UHRF2: variants seen among roughly 807,000 people sequenced by gnomAD.
UHRF2 encodes E3 ubiquitin-protein ligase UHRF2.
UHRF2 carries 23 observed loss-of-function variants against 96.8 expected under a neutral mutation model. The ratio of observed to expected loss-of-function variants is 0.24; its 90% CI spans 0.17 to 0.34. The LOEUF (loss-of-function observed/expected upper bound fraction) is 0.34. UHRF2 is among the 10% of genes least tolerant of loss of function. UHRF2 has a pLI of 1.00. For missense variants in UHRF2, 685 were observed against 981.5 expected (o/e 0.70, Z 4.04); for synonymous variants, 385 against 332.6 (o/e 1.16, Z -1.72).
At chr9:6,445,981 C>CTTTTTTTT (rs57147850) in intron 3 of UHRF2, among the ~76,000 whole-genome samples, 8 of 78,906 alleles carry the variant, frequency 1.0e-4, no homozygotes, top group Non-Finnish European at 1.6e-4. Flanking sequence ...CCCCGCCACC[C>CTTTTTTTT]TTTTTTTTTT....
Position 6,506,291 on chromosome 9 carries a change from GCTAATC to G in UHRF2, c.*115_*120del. ...ACTGTATCTCTCACGTTCTGAAGCA[GCTAATC>G]CTCTTTCCCACATAGCCATCATCTT... is the stretch of plus-strand genomic sequence containing the variant. On this transcript the variant is annotated 3_prime_UTR_variant, in exon 16 of 16. Transcript: ENST00000276893. 7.2e-7 allele frequency: 1 copy of G among 1,387,064 alleles called. No homozygotes were observed. The highest frequency in any genetic ancestry group is 9.8e-7 in the Non-Finnish European group (1 of 1,022,796). The allele number at this position is 1,387,064 out of a possible 1,614,324, so 85.9% of individuals were successfully genotyped here.
intron 6 of UHRF2, among the ~76,000 whole-genome samples, chr9:6,480,540 A>C (rs137951180): frequency 6.6e-6 from 1 of 152,058 alleles, no homozygotes; most frequent in East Asian, 1.9e-4. Context: ...TTCACCTGAA[A>C]CTCCTTAACC....
intron 2 of UHRF2, among the ~76,000 whole-genome samples, chr9:6,430,375 T>G (rs1820499263): frequency 2.0e-5 from 3 of 152,140 alleles, no homozygotes; most frequent in African/African-American, 7.2e-5. Context: ...TGTGGTTGGC[T>G]TAAACTTTTT....
intron 1 of UHRF2, among the ~76,000 whole-genome samples, chr9:6,418,901 A>AG (rs1819764281): frequency 2.0e-5 from 3 of 152,192 alleles, no homozygotes; most frequent in Admixed American, 2.0e-4. Flanking sequence ...TGATAGCTCT[A>AG]GGGGGAGAAC....
chr9:6,425,656 G>A lies in UHRF2; in HGVS notation c.384+4514G>A, dbSNP rs145491796. 8.4e-3 allele frequency among the ~76,000 whole-genome samples: 1,284 copies of A among 152,188 alleles called. 11 individuals carry two copies. The highest frequency in any genetic ancestry group is 0.014 in the Non-Finnish European group (950 of 68,008). Reference sequence around the variant, plus strand: ...CACATGCCTGTAATCCCAGCTACTCGGGAGGCTGAGGCAGGAGTATCACTT... The same window carrying A: ...CACATGCCTGTAATCCCAGCTACTCAGGAGGCTGAGGCAGGAGTATCACTT... On this transcript the variant is annotated intron_variant, in intron 2 of 15. Transcript: ENST00000276893.
chr9:6,500,409 C>G (rs1816224848), intron 13 of UHRF2, 143 bp from the exon 14 acceptor site: 3 of 661,170 alleles, frequency 4.5e-6, no homozygotes, highest in African/African-American at 1.9e-5. Context: ...ATAACAGTAT[C>G]CTAAATTTTA....
intron 6 of UHRF2, 86 bp downstream of exon 6, chr9:6,477,894 G>T (rs1823680949): frequency 8.1e-7 from 1 of 1,239,370 alleles, no homozygotes; most frequent in Non-Finnish European, 1.1e-6. Flanking sequence ...GATTTCTAAA[G>T]ATACATAATA....
intron 9 of UHRF2, among the ~76,000 whole-genome samples, chr9:6,487,198 T>TTTATTTTTTA (rs1824350867): frequency 3.7e-5 from 5 of 134,594 alleles, no homozygotes; most frequent in African/African-American, 1.4e-4. Flanking sequence ...TTTTTTTTTT[T>TTTATTTTTTA]TTTTTTTTTG....
At chr9:6,430,984 A>G (rs1359759243) in intron 2 of UHRF2, among the ~76,000 whole-genome samples, 1 of 152,154 alleles carries the variant, frequency 6.6e-6, no homozygotes, top group Non-Finnish European at 1.5e-5. Flanking sequence ...TTTGTCTGCT[A>G]TTTTGCTACT....
intron 15 of UHRF2, 109 bp downstream of exon 15, chr9:6,504,800 G>T: frequency 1.3e-6 from 1 of 755,812 alleles, no homozygotes. Context: ...GGATAGTTGC[G>T]GAACCTTCTA....
intron 3 of UHRF2, among the ~76,000 whole-genome samples, chr9:6,443,944 T>C (rs1357724176): frequency 1.3e-5 from 2 of 152,258 alleles, no homozygotes; most frequent in Non-Finnish European, 2.9e-5. Context: ...TAATTGTGGC[T>C]ACTGCAAATA....
At chr9:6,435,237 G>T (rs1332821424) in intron 3 of UHRF2, among the ~76,000 whole-genome samples, 1 of 151,944 alleles carries the variant, frequency 6.6e-6, no homozygotes, top group Non-Finnish European at 1.5e-5. Flanking sequence ...CAGGTGATCT[G>T]CCCGCCTCAG....
At chr9:6,441,485 A>G (rs1025968549) in intron 3 of UHRF2, among the ~76,000 whole-genome samples, 3 of 152,094 alleles carry the variant, frequency 2.0e-5, no homozygotes, top group Admixed American at 6.5e-5. Context: ...GCTGAGCAGT[A>G]TGTGTTCTAA....
At chr9:6,422,532 AGCTTG>A in intron 2 of UHRF2, 1 of 442,668 alleles carries the variant, frequency 2.3e-6, no homozygotes, top group Non-Finnish European at 4.2e-6. Flanking sequence ...TCTATAGATC[AGCTTG>A]GAGAATCGAC....
In UHRF2 at chr9:6,441,798, T is replaced by A. The variant is rs141293069; in HGVS notation, c.644+7625T>A. Among the ~76,000 whole-genome samples, 111 of 152,140 alleles carry A rather than the reference T, an allele frequency of 7.3e-4. 1 individual carries two copies. The highest frequency in any genetic ancestry group is 2.6e-3 in the African/African-American group (106 of 41,504). ...TATTGGAACTAATTCTTTTCTAAAA[T>A]TATATTTCATTCAAGCTAAATGATC... is the stretch of plus-strand genomic sequence containing the variant. On this transcript the variant is annotated intron_variant, in intron 3 of 15. Coordinates refer to ENST00000276893, the MANE Select transcript of UHRF2 (RefSeq NM_152896.3).
At chr9:6,504,111 C>T (rs368371955) in intron 14 of UHRF2, among the ~76,000 whole-genome samples, 104 of 149,750 alleles carry the variant, frequency 6.9e-4, no homozygotes, top group African/African-American at 2.5e-3. Flanking sequence ...CTGCAAGCTC[C>T]GCCTTCTTGG....
Position 6,482,199 on chromosome 9 carries a change from T to G in UHRF2, c.1392+100T>G, listed in dbSNP as rs1310073096. Reference sequence around the variant, plus strand: ...TGTAAGTGAACCTAACACATGACATTCACTTGTTAGAATGAAATATATTTT... The same window carrying G: ...TGTAAGTGAACCTAACACATGACATGCACTTGTTAGAATGAAATATATTTT... On this transcript the variant is annotated intron_variant, in intron 8 of 15. Transcript: ENST00000276893. 12 of 950,600 alleles carry G rather than the reference T, an allele frequency of 1.3e-5. 1 individual carries two copies. The Admixed American group carries it at 2.4e-4, about 19-fold the overall frequency. The allele number at this position is 950,600 out of a possible 1,614,324, so 58.9% of individuals were successfully genotyped here.
chr9:6,504,110 C>G (rs1563813439), intron 14 of UHRF2, among the ~76,000 whole-genome samples: 1 of 148,396 alleles, frequency 6.7e-6, no homozygotes, highest in Non-Finnish European at 1.5e-5. Context: ...ACTGCAAGCT[C>G]CGCCTTCTTG....
At chr9:6,423,749 G>C (rs1266524924) in intron 2 of UHRF2, among the ~76,000 whole-genome samples, 1 of 151,630 alleles carries the variant, frequency 6.6e-6, no homozygotes, top group Non-Finnish European at 1.5e-5. Context: ...TTCAAGACCA[G>C]CCTGGCCAAG....
Sources: allele counts gnomAD v4.1 joint callset (sites outside exome capture counted in the v4.1 genomes callset), GRCh38; gene constraint gnomAD v4.1.1; transcripts MANE v1.5; gene names NCBI Gene and HGNC (gene_info 2026-07-23, HGNC 2026-07-21).